Variants in SLC5A4 observed in about 807,000 individuals in gnomAD.
The protein encoded by SLC5A4 is probable glucose sensor protein SLC5A4.
SLC5A4 carries 55 observed loss-of-function variants against 70.3 expected under a neutral mutation model. The ratio of observed to expected loss-of-function variants is 0.78; its 90% CI spans 0.63 to 0.98. SLC5A4 has a LOEUF of 0.98. Among genes scored for constraint, SLC5A4 ranks in the 50% least tolerant of loss-of-function variants. The pLI, the probability that SLC5A4 is intolerant of heterozygous loss-of-function variation, is 0.00. For missense variants in SLC5A4, 735 were observed against 839.2 expected, an observed-to-expected ratio of 0.88 and a Z score of 1.53; for synonymous variants, 268 against 305.7, an observed-to-expected ratio of 0.88 and a Z score of 1.29.
At chr22:32,318,719 GAAAAC>G in the SLC5A4 span, among the ~76,000 whole-genome samples, 2 of 152,174 alleles carry the variant, frequency 1.3e-5, no homozygotes, top group Admixed American at 6.5e-5. Context: ...GAAGCCCTGT[GAAAAC>G]CTAAGTCCAA....
chr22:32,272,178 A>G, the SLC5A4 span: 232 of 732,438 alleles, frequency 3.2e-4, 1 homozygote, highest in Non-Finnish European at 5.1e-4. Flanking sequence ...GACCTGCCTC[A>G]TGCAGGAGGA....
At chr22:32,299,946 T>G in the SLC5A4 span, among the ~76,000 whole-genome samples, 5 of 124,742 alleles carry the variant, frequency 4.0e-5, no homozygotes, top group Non-Finnish European at 7.0e-5. Context: ...TGCTGGGGGG[T>G]GCCTTCCAGT....
chr22:32,293,304 T>C, the SLC5A4 span, among the ~76,000 whole-genome samples: 1 of 152,134 alleles, frequency 6.6e-6, no homozygotes, highest in African/African-American at 2.4e-5. Flanking sequence ...AAATATTTGG[T>C]TTTAAATGTT....
chr22:32,251,149 CAAA>C (rs1169115054), intron 3 of SLC5A4, among the ~76,000 whole-genome samples: 1,833 of 22,652 alleles, frequency 0.081, 14 homozygotes, highest in African/African-American at 0.15. Context: ...AACAAATAAG[CAAA>C]AAAAAAAAAA....
the SLC5A4 span, among the ~76,000 whole-genome samples, chr22:32,334,390 C>T: frequency 4.6e-4 from 70 of 152,166 alleles, 1 homozygote; most frequent in Admixed American, 4.6e-3. Flanking sequence ...GAGTTGTCCT[C>T]GTCCTCAGTG....
the SLC5A4 span, chr22:32,272,054 T>C: frequency 4.7e-6 from 3 of 642,446 alleles, no homozygotes; most frequent in Non-Finnish European, 5.7e-6. Context: ...GCTGGGAGGC[T>C]ATTCCCAATG....
rs866063409 is a variant in SLC5A4, at chr22:32,247,435, G to A, written c.453C>T (p.Phe151=). The stretch of plus-strand genomic sequence containing the variant: ...CAGAAATTAACAAAACCACACAGAT[G>A]AAGAGGGAGAGGATGGAGAGGTAGA... ...LQVYLSILSL[F]ICVVLLISAD... The change falls in exon 5 of 15, where the codon TTC becomes TTT. Residue 151 remains phenylalanine, a synonymous_variant. Coordinates refer to ENST00000266086, the MANE Select transcript of SLC5A4 (RefSeq NM_014227.3). 1 of 1,612,902 alleles carries A rather than the reference G, an allele frequency of 6.2e-7. No homozygotes were observed. Among genetic ancestry groups the A allele is most frequent in the East Asian group, 2.2e-5 (1 of 44,886 alleles).
intron 3 of SLC5A4, among the ~76,000 whole-genome samples, chr22:32,249,589 C>G (rs991727376): frequency 1.6e-4 from 25 of 152,312 alleles, no homozygotes; most frequent in African/African-American, 6.0e-4. Flanking sequence ...GGGAGGGGCA[C>G]AGGTATGTGT....
At chr22:32,245,795 A>G (rs1926785256) in intron 5 of SLC5A4, among the ~76,000 whole-genome samples, 1 of 152,202 alleles carries the variant, frequency 6.6e-6, no homozygotes, top group African/African-American at 2.4e-5. Context: ...TTGGGATTAC[A>G]GGCGTGAGCC....
At chr22:32,258,841 C>A (rs1039648760), upstream of SLC5A4, among the ~76,000 whole-genome samples, 2 of 152,142 alleles carry the variant, frequency 1.3e-5, no homozygotes, top group Non-Finnish European at 2.9e-5. Context: ...TCAGTGGATG[C>A]ATGGATAAAG....
chr22:32,307,707 C>T, the SLC5A4 span, among the ~76,000 whole-genome samples: 1 of 152,210 alleles, frequency 6.6e-6, no homozygotes, highest in Non-Finnish European at 1.5e-5. Context: ...AACTAGGGCA[C>T]TGTGCCTGGC....
At chr22:32,270,780 G>T in the SLC5A4 span, 1 of 614,700 alleles carries the variant, frequency 1.6e-6, no homozygotes, top group South Asian at 1.6e-5. Context: ...TGGTCATCAT[G>T]AGTGCCGACG....
the SLC5A4 span, among the ~76,000 whole-genome samples, chr22:32,282,106 GT>G: frequency 6.6e-6 from 1 of 152,302 alleles, no homozygotes; most frequent in East Asian, 1.9e-4. Flanking sequence ...GCCTCCCAAA[GT>G]GCTGGGATTA....
At chr22:32,306,756 C>T in the SLC5A4 span, among the ~76,000 whole-genome samples, 2 of 152,198 alleles carry the variant, frequency 1.3e-5, no homozygotes, top group Non-Finnish European at 2.9e-5. Context: ...GAGCCTCTCA[C>T]CCTTGCAGCC....
intron 9 of SLC5A4, among the ~76,000 whole-genome samples, chr22:32,232,529 T>G (rs1390959479): frequency 6.6e-6 from 1 of 152,186 alleles, no homozygotes; most frequent in African/African-American, 2.4e-5. Flanking sequence ...CAAGACCTTC[T>G]CAGTCAGAGA....
At chr22:32,338,536 G>C in the SLC5A4 span, among the ~76,000 whole-genome samples, 1 of 152,020 alleles carries the variant, frequency 6.6e-6, no homozygotes, top group Non-Finnish European at 1.5e-5. Flanking sequence ...GTGGTGGTGG[G>C]CGCCTGTAAT....
chr22:32,296,845 T>C, the SLC5A4 span, among the ~76,000 whole-genome samples: 1 of 63,272 alleles, frequency 1.6e-5, no homozygotes, highest in Non-Finnish European at 3.1e-5. Flanking sequence ...CCTAATTTAT[T>C]GAGAGTTTTT....
chr22:32,258,059 C>T (rs531136692), upstream of SLC5A4, among the ~76,000 whole-genome samples: 2 of 151,780 alleles, frequency 1.3e-5, no homozygotes, highest in Non-Finnish European at 2.9e-5. Flanking sequence ...AATCTCCACT[C>T]ACTGCAGCCC....
At chr22:32,270,256 G>A in the SLC5A4 span, 10 of 720,144 alleles carry the variant, frequency 1.4e-5, no homozygotes, top group African/African-American at 1.4e-4. Context: ...GGGTGAGCCT[G>A]CCTTCCTGTC....
Sources: allele counts gnomAD v4.1 joint callset (sites outside exome capture counted in the v4.1 genomes callset), GRCh38; gene constraint gnomAD v4.1.1; transcripts MANE v1.5; gene names NCBI Gene and HGNC (gene_info 2026-07-23, HGNC 2026-07-21).